The following TMEFF2 variants were observed in gnomAD, a reference collection of about 807,000 sequenced individuals.
TMEFF2 encodes transmembrane protein with EGF like and two follistatin like domains 2.
A neutral mutation model predicts 53.8 loss-of-function variants in TMEFF2; 28 were observed. The ratio of observed to expected loss-of-function variants is 0.52; its 90% confidence interval spans 0.39 to 0.71. TMEFF2 has a LOEUF of 0.71. Among genes scored for constraint, TMEFF2 ranks in the 30% least tolerant of loss-of-function variants. The pLI, the probability that TMEFF2 is intolerant of heterozygous loss-of-function variation, is 0.00. For missense variants in TMEFF2, 353 were observed against 455.2 expected (o/e 0.78, Z 2.04); for synonymous variants, 162 against 166.3 (o/e 0.97, Z 0.20).
Position 191,953,477 on chromosome 2 carries a change from A to G in TMEFF2, c.1028+202T>C, listed in dbSNP as rs1295887146. Among the ~76,000 whole-genome samples the G allele has an allele frequency of 3.3e-5, 5 of 152,368 alleles. No individual in the cohort carries two copies. The East Asian group carries it at 7.7e-4, about 23-fold the overall frequency. On this transcript the variant is annotated intron_variant, in intron 9 of 9. Coordinates refer to ENST00000272771, the MANE Select transcript of TMEFF2 (RefSeq NM_016192.4). ...ACAATCTTTATCATCAGGCAAAATT[A>G]AGGAAAATAATTTGTACCACCCCAA...
chr2:192,157,738 T>TA (rs1040396450), intron 4 of TMEFF2, among the ~76,000 whole-genome samples: 8 of 152,016 alleles, frequency 5.3e-5, no homozygotes, highest in African/African-American at 1.9e-4. Flanking sequence ...CAGGCTATGG[T>TA]AAAAAAGATA....
At chr2:192,160,806 T>C (rs1690615200) in intron 4 of TMEFF2, among the ~76,000 whole-genome samples, 1 of 152,088 alleles carries the variant, frequency 6.6e-6, no homozygotes, top group African/African-American at 2.4e-5. Flanking sequence ...GCAGCAGCAA[T>C]GATGGCATGG....
intron 7 of TMEFF2, among the ~76,000 whole-genome samples, chr2:191,978,488 A>T (rs1685781835): frequency 6.6e-6 from 1 of 151,838 alleles, no homozygotes; most frequent in Admixed American, 6.6e-5. Context: ...ATATTGATCT[A>T]TCTGAAGACC....
At chr2:192,013,327 C>G (rs184061822) in intron 5 of TMEFF2, among the ~76,000 whole-genome samples, 1 of 152,136 alleles carries the variant, frequency 6.6e-6, no homozygotes, top group Non-Finnish European at 1.5e-5. Context: ...ACTTGCTGTT[C>G]CCTCTGCCTG....
chr2:192,062,771 T>G (rs887714694), intron 4 of TMEFF2, among the ~76,000 whole-genome samples: 1 of 152,152 alleles, frequency 6.6e-6, no homozygotes, highest in Non-Finnish European at 1.5e-5. Flanking sequence ...GCTAATATTT[T>G]GTAGAGCATT....
chr2:192,129,371 A>G (rs1047916759), intron 4 of TMEFF2, among the ~76,000 whole-genome samples: 8 of 62,930 alleles, frequency 1.3e-4, no homozygotes, highest in Admixed American at 2.3e-4. Context: ...GTTTAATAGA[A>G]AAAAAAAAAA....
Position 192,037,273 on chromosome 2 carries a change from T to TA in TMEFF2, c.536+20405dup, listed in dbSNP as rs568551324. 4.3e-3 allele frequency among the ~76,000 whole-genome samples: 405 copies of TA among 94,670 alleles called. 29 individuals carry two copies. The highest frequency in any genetic ancestry group is 8.5e-3 in the African/African-American group (197 of 23,296). 62.1% of individuals were successfully genotyped at this position (94,670 alleles called of 152,430 possible). ...AATGCACTTCTAAGACTAGCCAAAATAAAGAAAGAAAGAAAGAAAGAAAGA... is the reference window on the plus strand; with the variant it reads ...AATGCACTTCTAAGACTAGCCAAAATAAAAGAAAGAAAGAAAGAAAGAAAGA... On this transcript the variant is annotated intron_variant, in intron 5 of 9. Coordinates refer to ENST00000272771, the MANE Select transcript of TMEFF2 (RefSeq NM_016192.4).
In TMEFF2 at chr2:192,169,065, C is replaced by A. The variant is rs557740061; in HGVS notation, c.439+10603G>T. On this transcript the variant is annotated intron_variant, in intron 4 of 9. Transcript: ENST00000272771. ...GTATTAATGCATTGGTTCAGCTGAG[C>A]AAATATTTAACAAAATTCTACTAAG... Among the ~76,000 whole-genome samples, 7 of 152,172 alleles carry A rather than the reference C, an allele frequency of 4.6e-5. No individual in the cohort carries two copies. The South Asian group carries it at 1.5e-3, about 32-fold the overall frequency.
chr2:192,092,801 T>TG (rs1241969731), intron 4 of TMEFF2, among the ~76,000 whole-genome samples: 8 of 152,186 alleles, frequency 5.3e-5, no homozygotes, highest in Admixed American at 3.3e-4. Context: ...TGAAGGGCTA[T>TG]GAACCAAGGA....
chr2:192,032,334 G>C (rs545727574), intron 5 of TMEFF2: 1 of 152,248 alleles, frequency 6.6e-6, no homozygotes, highest in South Asian at 2.1e-4. Context: ...TATTCATGAA[G>C]ATAAGGACCC....
Position 192,010,366 on chromosome 2 carries a change from A to G in TMEFF2, c.537-11158T>C, listed in dbSNP as rs114445402. ...AAGGACTTTAAGTAGAAATATTTCA[A>G]CATTTTGCCTTGAAATAAAAATGCT... is the stretch of plus-strand genomic sequence containing the variant. On this transcript the variant is annotated intron_variant, in intron 5 of 9. Coordinates refer to ENST00000272771, the MANE Select transcript of TMEFF2 (RefSeq NM_016192.4). 4.5e-3 allele frequency among the ~76,000 whole-genome samples: 689 copies of G among 152,322 alleles called. 3 individuals carry two copies. Among genetic ancestry groups the G allele is most frequent in the African/African-American group, 0.016 (650 of 41,566 alleles).
chr2:191,999,175 G>A lies in TMEFF2; in HGVS notation c.570C>T (p.Asn190=), dbSNP rs1336098771. Residue 190 remains asparagine, a synonymous_variant, in exon 6 of 10, where the codon AAC becomes AAT. Transcript: ENST00000272771. ...CVCNIDCSQT[N]FNPLCASDGK... ...CATCAGAAGCGCAGAGGGGATTGAA[G>A]TTGGTTTGAGAACAGTCAATATTAC... The A allele has an allele frequency of 1.2e-6, 2 of 1,610,828 alleles. No homozygotes were observed. Among genetic ancestry groups the A allele is most frequent in the Non-Finnish European group, 1.7e-6 (2 of 1,177,770 alleles).
intron 4 of TMEFF2, among the ~76,000 whole-genome samples, chr2:192,093,517 T>A (rs922849689): frequency 2.6e-5 from 4 of 152,140 alleles, no homozygotes; most frequent in African/African-American, 9.7e-5. Context: ...TAATTAGCCA[T>A]GTAGAAAATA....
intron 4 of TMEFF2, among the ~76,000 whole-genome samples, chr2:192,109,645 G>A (rs1689230567): frequency 6.6e-6 from 1 of 152,014 alleles, no homozygotes; most frequent in Admixed American, 6.6e-5. Context: ...CATATGGTGG[G>A]GAGGTAGAGG....
Position 192,025,117 on chromosome 2 carries a change from G to A in TMEFF2, c.537-25909C>T, listed in dbSNP as rs781710701. ...ATCCGAGGGAAATGCATGGTAGTTA[G>A]TGAGGAATCCAGACTTCAAGCTATA... On this transcript the variant is annotated intron_variant, in intron 5 of 9. Coordinates refer to ENST00000272771, the MANE Select transcript of TMEFF2 (RefSeq NM_016192.4). Among the ~76,000 whole-genome samples the A allele has an allele frequency of 3.9e-5, 6 of 152,340 alleles. No homozygotes were observed. In the East Asian group the frequency reaches 1.2e-3, roughly 29 times the overall value.
chr2:192,054,578 C>A (rs1205323885), intron 5 of TMEFF2, among the ~76,000 whole-genome samples: 5 of 152,048 alleles, frequency 3.3e-5, no homozygotes, highest in Admixed American at 3.3e-4. Flanking sequence ...CAGGATTAAC[C>A]CCCTGCTTGC....
intron 4 of TMEFF2, among the ~76,000 whole-genome samples, chr2:192,132,421 G>A (rs1037467478): frequency 7.2e-5 from 11 of 152,014 alleles, no homozygotes; most frequent in East Asian, 1.9e-4. Flanking sequence ...ACCCTAAAAG[G>A]TCAAAAGGCC....
intron 4 of TMEFF2, among the ~76,000 whole-genome samples, chr2:192,166,937 C>A (rs1469277819): frequency 1.3e-5 from 2 of 152,088 alleles, no homozygotes; most frequent in African/African-American, 4.8e-5. Flanking sequence ...GGGATACAAG[C>A]TTTTCAGTGC....
intron 4 of TMEFF2, among the ~76,000 whole-genome samples, chr2:192,108,615 A>G (rs1559129758): frequency 6.6e-6 from 1 of 152,026 alleles, no homozygotes; most frequent in Non-Finnish European, 1.5e-5. Flanking sequence ...GTAAAATAGT[A>G]CAGTCACTGT....
Sources: gnomAD v4.1 joint callset for allele counts (sites outside exome capture counted in the v4.1 genomes callset) on GRCh38, gnomAD v4.1.1 for gene constraint, MANE v1.5 for transcripts, NCBI Gene and HGNC (gene_info 2026-07-23, HGNC 2026-07-21) for gene names.